The following IPO8 variants were observed in gnomAD, a reference collection of about 807,000 sequenced individuals.
IPO8 encodes importin 8.
IPO8 carries 65 observed loss-of-function variants against 141.2 expected under a neutral mutation model. That is an observed-to-expected ratio of 0.46 (90% CI 0.38 to 0.57). The LOEUF (loss-of-function observed/expected upper bound fraction) is 0.57. Among genes scored for constraint, IPO8 ranks in the 20% least tolerant of loss-of-function variants. The probability of loss-of-function intolerance (pLI) is 0.00; values close to 1 mark genes in which losing one functional copy is unlikely to be tolerated. For synonymous variants in IPO8, 411 were observed against 420.3 expected (o/e 0.98, Z 0.27); for missense variants, 980 against 1,246.8 (o/e 0.79, Z 3.22).
chr12:30,685,390 C>T (rs769474073), intron 2 of IPO8, among the ~76,000 whole-genome samples: 143 of 151,788 alleles, frequency 9.4e-4, no homozygotes, highest in Non-Finnish European at 1.5e-3. Context: ...CTGCCTGCCT[C>T]GGCCTCCCAA....
chr12:30,632,674 A>G (rs1265420288), intron 23 of IPO8, among the ~76,000 whole-genome samples: 1 of 152,034 alleles, frequency 6.6e-6, no homozygotes, highest in Non-Finnish European at 1.5e-5. Flanking sequence ...CCAGGTCTCT[A>G]TACATCTAAA....
At chr12:30,665,034 C>T (rs1002119507) in intron 13 of IPO8, among the ~76,000 whole-genome samples, 186 bp downstream of exon 13, 49 of 152,226 alleles carry the variant, frequency 3.2e-4, no homozygotes, top group African/African-American at 1.2e-3. Flanking sequence ...GCCACTGCGC[C>T]CAGCCTATAA....
intron 20 of IPO8, among the ~76,000 whole-genome samples, chr12:30,640,845 G>T (rs147465852): frequency 6.6e-6 from 1 of 152,096 alleles, no homozygotes; most frequent in South Asian, 2.1e-4. Context: ...AAATAGCTAG[G>T]AGGAGGACAT....
intron 20 of IPO8, among the ~76,000 whole-genome samples, chr12:30,641,323 G>GT (rs2052570961): frequency 2.0e-5 from 3 of 151,974 alleles, no homozygotes; most frequent in Admixed American, 6.6e-5. Flanking sequence ...TTTTTGTTTT[G>GT]TTTTTTAATG....
At position 30,663,619 on chromosome 12, in the gene IPO8, C is replaced by T. The variant is rs763713974; in HGVS notation, c.1464G>A (p.Lys488=). The change falls in exon 14 of 25, where the codon AAG becomes AAA. Residue 488 remains lysine (K), a synonymous_variant. Coordinates refer to ENST00000256079, the MANE Select transcript of IPO8 (RefSeq NM_006390.4). ...CWVLHAFSSL[K]FHNELNLRNA... ...TTCTTAGATTGAGCTCATTATGGAA[C>T]TTCAAAGAACTAAATGCATGAAGTA... The T allele has an allele frequency of 6.2e-7, 1 of 1,611,848 alleles. No homozygotes were observed. Among genetic ancestry groups the T allele is most frequent in the Non-Finnish European group, 8.5e-7 (1 of 1,179,626 alleles).
chr12:30,690,632 T>G (rs2053283142), intron 1 of IPO8, 55 bp from the exon 2 acceptor site: 4 of 941,362 alleles, frequency 4.2e-6, no homozygotes, highest in African/African-American at 1.7e-5. Context: ...GAGTAGCTTA[T>G]AAGTTAGCAC....
At chr12:30,674,153 C>T in intron 7 of IPO8, 79 bp from the exon 8 acceptor site, 1 of 825,306 alleles carries the variant, frequency 1.2e-6, no homozygotes, top group Non-Finnish European at 2.0e-6. Flanking sequence ...AATATAGTCG[C>T]TTATTCAAAG....
In IPO8 at chr12:30,684,314, G is replaced by T. The variant is rs2136172207; in HGVS notation, c.310C>A (p.Pro104Thr). ...DNIVEGIIRS[P>T]DLVRVQLTMC... ...AGCACCACATACCTCACTAAATCTG[G>T]AGACCGAATTATTCCTTCCACAATG... is the stretch of plus-strand genomic sequence containing the variant. Residue 104 changes from proline to threonine, a missense_variant, in exon 3 of 25, where the codon CCA (proline) becomes ACA (threonine). This residue lies in a region of IPO8 where 924 missense variants were observed against 1,153.9 expected (regional missense o/e 0.80). Transcript: ENST00000256079. 1 of 1,613,986 alleles carries T rather than the reference G, an allele frequency of 6.2e-7. No individual in the cohort carries two copies. Among genetic ancestry groups the T allele is most frequent in the African/African-American group, 1.3e-5 (1 of 75,010 alleles).
At chr12:30,642,202 C>CA (rs1239531003) in intron 20 of IPO8, among the ~76,000 whole-genome samples, 2 of 150,168 alleles carry the variant, frequency 1.3e-5, no homozygotes, top group African/African-American at 2.5e-5. Context: ...GACTTCATCT[C>CA]AAAAAAACAG....
intron 3 of IPO8, 128 bp from the exon 4 acceptor site, chr12:30,681,945 G>T: frequency 2.9e-6 from 2 of 683,380 alleles, no homozygotes; most frequent in Non-Finnish European, 4.4e-6. Context: ...CATATGTGGG[G>T]TAGGGGAAAA....
intron 10 of IPO8, among the ~76,000 whole-genome samples, 167 bp from the exon 11 acceptor site, chr12:30,666,418 C>T (rs1424035087): frequency 1.3e-5 from 2 of 152,200 alleles, no homozygotes; most frequent in Non-Finnish European, 2.9e-5. Flanking sequence ...CACAACATTG[C>T]TGTCTCCTGC....
At chr12:30,694,164 T>C (rs1474392895) in intron 1 of IPO8, among the ~76,000 whole-genome samples, 1 of 152,160 alleles carries the variant, frequency 6.6e-6, no homozygotes, top group Non-Finnish European at 1.5e-5. Flanking sequence ...CAAATTCAGC[T>C]CCTGCTTTGT....
chr12:30,634,098 T>TA lies in IPO8; in HGVS notation c.2883dup (p.Thr962TyrfsTer51). The TA allele has an allele frequency of 6.2e-7, 1 of 1,613,622 alleles. No individual in the cohort carries two copies. Among genetic ancestry groups the TA allele is most frequent in the Non-Finnish European group, 8.5e-7 (1 of 1,179,662 alleles). On this transcript the variant is annotated frameshift_variant, in exon 23 of 25. Transcript: ENST00000256079. LOFTEE classifies it high-confidence loss of function. ...AAAGACATACTTATCAGAGCTTGTG[T>TA]AAAAAACTGATATTCATCCACACTA...
intron 20 of IPO8, among the ~76,000 whole-genome samples, chr12:30,644,294 C>T (rs2052611524): frequency 6.6e-6 from 1 of 151,570 alleles, no homozygotes; most frequent in South Asian, 2.1e-4. Flanking sequence ...TCACCTGGGC[C>T]CAGGAATTTG....
At chr12:30,694,312 G>A (rs921613022) in intron 1 of IPO8, among the ~76,000 whole-genome samples, 1 of 152,148 alleles carries the variant, frequency 6.6e-6, no homozygotes, top group Non-Finnish European at 1.5e-5. Context: ...TCAGGCACCA[G>A]TGCATTATCT....
rs2052945947 is a variant in IPO8 at position 30,665,243 on chromosome 12, T to A, written c.1405A>T (p.Asn469Tyr). 6 of 1,590,198 alleles carry A rather than the reference T, an allele frequency of 3.8e-6. No homozygotes were observed. The highest frequency in any genetic ancestry group is 5.2e-6 in the Non-Finnish European group (6 of 1,161,060). The change falls in exon 13 of 25, where the codon AAC becomes TAC. Residue 469 changes from asparagine to tyrosine, a missense_variant. By Grantham distance (143) the Asn-to-Tyr change is moderately radical (BLOSUM62 -2). Coordinates refer to ENST00000256079, the MANE Select transcript of IPO8 (RefSeq NM_006390.4). ...QNHVFPLLLS[N>Y]LGYLRARSCW... ...ACTCTAGCTCGAAGATATCCCAGGT[T>A]AGACAATAATAATGGAAATACATGA...
chr12:30,688,366 G>A (rs1232248571), intron 2 of IPO8: 2 of 413,260 alleles, frequency 4.8e-6, no homozygotes, highest in Non-Finnish European at 9.5e-6. Context: ...TCACCAGTGA[G>A]CACGCTTGAT....
At chr12:30,659,260 C>T (rs909533624) in intron 16 of IPO8, among the ~76,000 whole-genome samples, 1 of 152,032 alleles carries the variant, frequency 6.6e-6, no homozygotes, top group African/African-American at 2.4e-5. Context: ...GAAGCCAAGG[C>T]GGGCATATCA....
chr12:30,637,447 T>C (rs1565492950), intron 21 of IPO8, among the ~76,000 whole-genome samples: 1 of 152,166 alleles, frequency 6.6e-6, no homozygotes, highest in Admixed American at 6.5e-5. Flanking sequence ...TTAATATAAA[T>C]GTTATATATG....
Sources: allele counts gnomAD v4.1 joint callset (sites outside exome capture counted in the v4.1 genomes callset), GRCh38; gene constraint gnomAD v4.1.1; regional missense constraint gnomAD v4.1.1; transcripts MANE v1.5; gene names NCBI Gene and HGNC (gene_info 2026-07-23, HGNC 2026-07-21).